Variants in ARHGAP40 observed in about 807,000 individuals in gnomAD.
ARHGAP40 encodes rho GTPase-activating protein 40.
In ARHGAP40, 43 loss-of-function variants were observed where a neutral mutation model predicts 73.5. The ratio of observed to expected loss-of-function variants is 0.58; its 90% CI spans 0.46 to 0.75. ARHGAP40 has a LOEUF of 0.75. ARHGAP40 is among the 30% of genes least tolerant of loss of function. The pLI, the probability that ARHGAP40 is intolerant of heterozygous loss-of-function variation, is 0.00. For synonymous variants in ARHGAP40, 300 were observed against 352.8 expected, an observed-to-expected ratio of 0.85 and a Z score of 1.68; for missense variants, 734 against 861.8, an observed-to-expected ratio of 0.85 and a Z score of 1.86.
intron 9 of ARHGAP40, among the ~76,000 whole-genome samples, chr20:38,640,403 T>C (rs2089011293): frequency 6.6e-6 from 1 of 151,962 alleles, no homozygotes; most frequent in Non-Finnish European, 1.5e-5. Context: ...CATTTTTTTG[T>C]AGTGACGGGG....
At chr20:38,638,029 G>T (rs1343579705) in intron 7 of ARHGAP40, among the ~76,000 whole-genome samples, 1 of 151,930 alleles carries the variant, frequency 6.6e-6, no homozygotes, top group African/African-American at 2.4e-5. Flanking sequence ...TTTTGTCTTG[G>T]CTGGGCGCCG....
chr20:38,638,372 G>A (rs2088991474), intron 7 of ARHGAP40, among the ~76,000 whole-genome samples: 1 of 152,034 alleles, frequency 6.6e-6, no homozygotes, highest in Admixed American at 6.6e-5. Context: ...TTTTTGTAGA[G>A]ACAGGGTCTC....
At chr20:38,609,821 A>G (rs1051213151) in intron 1 of ARHGAP40, among the ~76,000 whole-genome samples, 4 of 152,224 alleles carry the variant, frequency 2.6e-5, no homozygotes, top group Non-Finnish European at 5.9e-5. Flanking sequence ...AGTGGGGCAG[A>G]GGAGAGATGG....
At chr20:38,649,144 C>A (rs79809090) in intron 14 of ARHGAP40, among the ~76,000 whole-genome samples, 3,868 of 152,272 alleles carry the variant, frequency 0.025, 154 homozygotes, top group African/African-American at 0.087. Flanking sequence ...CCTTTGCATT[C>A]TCTAGAGTAA....
At chr20:38,638,897 G>A in intron 8 of ARHGAP40, 59 bp downstream of exon 8, 1 of 1,274,312 alleles carries the variant, frequency 7.8e-7, no homozygotes, top group Non-Finnish European at 1.0e-6. Context: ...TCACATGTGT[G>A]TTAAGCCGGG....
chr20:38,644,163 T>A (rs1157591694), intron 11 of ARHGAP40, among the ~76,000 whole-genome samples: 1 of 151,644 alleles, frequency 6.6e-6, no homozygotes, highest in Admixed American at 6.6e-5. Flanking sequence ...ATTGCAGGAG[T>A]TCCCCCAACT....
chr20:38,603,577 A>G lies in ARHGAP40; in HGVS notation c.137+1498A>G, dbSNP rs866000706. ...CTGCTATAACAAATCACATAAGCTT[A>G]TCTATCATCTCTCTCTCTGTCTCTC... On this transcript the variant is annotated intron_variant, in intron 1 of 14. Coordinates refer to ENST00000373345, the Ensembl canonical transcript of ARHGAP40. 1.3e-4 allele frequency among the ~76,000 whole-genome samples: 18 copies of G among 142,668 alleles called. No individual in the cohort carries two copies. In the South Asian group the frequency reaches 3.7e-3, roughly 30 times the overall value. The allele number at this position is 142,668 out of a possible 152,430, so 93.6% of individuals were successfully genotyped here.
At chr20:38,602,782 C>T (rs1038756813) in intron 1 of ARHGAP40, among the ~76,000 whole-genome samples, 5 of 152,114 alleles carry the variant, frequency 3.3e-5, no homozygotes, top group Admixed American at 1.3e-4. Context: ...AAGGTTTTCC[C>T]CTGCAACCCC....
chr20:38,643,894 A>T lies in ARHGAP40; in HGVS notation c.1553A>T (p.Gln518Leu), dbSNP rs1035910703. The T allele has an allele frequency of 1.8e-5, 24 of 1,303,364 alleles. No individual in the cohort carries two copies. The Middle Eastern group carries it at 1.1e-3, about 58-fold the overall frequency. The allele number at this position is 1,303,364 out of a possible 1,614,324, so 80.7% of individuals were successfully genotyped here. Reference sequence around the variant, plus strand: ...GTGGTGCAGATAATGGTGCACTACCAGGATCTGCTGTGGACGGTGAGTGCT... The same window carrying T: ...GTGGTGCAGATAATGGTGCACTACCTGGATCTGCTGTGGACGGTGAGTGCT... The change falls in exon 11 of 15, where the codon CAG becomes CTG. Residue 518 changes from glutamine (Q) to leucine (L), a missense_variant. Physicochemically the swap from Gln to Leu is moderately radical, Grantham distance 113. Coordinates refer to ENST00000373345, the Ensembl canonical transcript of ARHGAP40.
At chr20:38,638,572 G>A (rs957042209) in intron 7 of ARHGAP40, among the ~76,000 whole-genome samples, 189 bp from the exon 8 acceptor site, 18 of 152,146 alleles carry the variant, frequency 1.2e-4, no homozygotes, top group African/African-American at 4.3e-4. Flanking sequence ...ATGATTAAAT[G>A]AGAAAAATGT....
intron 1 of ARHGAP40, among the ~76,000 whole-genome samples, chr20:38,610,240 C>A (rs527380727): frequency 1.3e-5 from 2 of 151,884 alleles, no homozygotes; most frequent in Admixed American, 6.5e-5. Flanking sequence ...AAGCTCCCCC[C>A]ACTGTGCCAC....
chr20:38,638,834 T>A, exon 8 of ARHGAP40: 1 of 1,305,338 alleles, frequency 7.7e-7, no homozygotes, highest in Non-Finnish European at 1.0e-6. Context: ...CAGGCCAGGG[T>A]CAAGGTAATG....
chr20:38,635,213 A>AT (rs35836403), intron 6 of ARHGAP40, among the ~76,000 whole-genome samples: 6 of 150,968 alleles, frequency 4.0e-5, no homozygotes, highest in East Asian at 3.9e-4. Flanking sequence ...TTCTGTTTAC[A>AT]TTTTTTTTTC....
chr20:38,604,562 ATT>A (rs1359413273), intron 1 of ARHGAP40, among the ~76,000 whole-genome samples: 1 of 151,936 alleles, frequency 6.6e-6, no homozygotes, highest in Non-Finnish European at 1.5e-5. Context: ...CGCCTGGCTA[ATT>A]TTTGTATTTT....
At chr20:38,616,286 G>T (rs931450818) in intron 1 of ARHGAP40, among the ~76,000 whole-genome samples, 1 of 152,224 alleles carries the variant, frequency 6.6e-6, no homozygotes, top group Non-Finnish European at 1.5e-5. Context: ...TGCTCTTCCA[G>T]CCTTCCCCAC....
intron 1 of ARHGAP40, among the ~76,000 whole-genome samples, chr20:38,603,910 C>T (rs557242280): frequency 1.3e-5 from 2 of 152,336 alleles, no homozygotes; most frequent in African/African-American, 4.8e-5. Flanking sequence ...TCTGACTCTC[C>T]TGCCTCCCTC....
chr20:38,648,225 A>T (rs1271607670), intron 13 of ARHGAP40, among the ~76,000 whole-genome samples: 2 of 152,262 alleles, frequency 1.3e-5, no homozygotes, highest in Admixed American at 6.5e-5. Flanking sequence ...ATCATATAAT[A>T]ATTGTGATTC....
At chr20:38,645,926 A>G (rs1271806749) in intron 11 of ARHGAP40, 121 bp from the exon 12 acceptor site, 2 of 962,332 alleles carry the variant, frequency 2.1e-6, no homozygotes, top group African/African-American at 1.8e-5. Context: ...CAACAAATGC[A>G]TATTTCCAAG....
At chr20:38,650,340 A>C in exon 15 of ARHGAP40, 1 of 471,234 alleles carries the variant, frequency 2.1e-6, no homozygotes, top group Non-Finnish European at 4.4e-6. Flanking sequence ...TTTTCCCCCC[A>C]GGCAAAATTG....
Sources: gnomAD v4.1 joint callset for allele counts (sites outside exome capture counted in the v4.1 genomes callset) on GRCh38, gnomAD v4.1.1 for gene constraint, MANE v1.5 for transcripts, NCBI Gene and HGNC (gene_info 2026-07-23, HGNC 2026-07-21) for gene names.